ABCA6: variants seen among roughly 807,000 people sequenced by gnomAD.
ABCA6 encodes the protein ATP binding cassette subfamily A member 6, also known as ATP-binding cassette sub-family A member 6.
ABCA6 carries 164 observed loss-of-function variants against 191.2 expected under a neutral mutation model. The observed-to-expected ratio is 0.86, with a 90% CI of 0.76 to 0.98. ABCA6 has a LOEUF of 0.98. Ranked by LOEUF, ABCA6 falls within the 50% of genes least tolerant of loss-of-function variation. The probability of loss-of-function intolerance (pLI) is 0.00; values close to 1 mark genes in which losing one functional copy is unlikely to be tolerated. For missense variants in ABCA6, 1,958 were observed against 1,894.1 expected, an observed-to-expected ratio of 1.03 and a Z score of -0.63; for synonymous variants, 636 against 647.7, an observed-to-expected ratio of 0.98 and a Z score of 0.27.
intron 25 of ABCA6, chr17:69,094,259 A>T (rs979079647): frequency 6.6e-6 from 1 of 152,214 alleles, no homozygotes; most frequent in Non-Finnish European, 1.5e-5. Flanking sequence ...TTGTTCATCT[A>T]TTCACTTGCT....
At position 69,089,033 on chromosome 17, in the gene ABCA6, T is replaced by C. The variant is rs887762517; in HGVS notation, c.3606+432A>G. On this transcript the variant is annotated intron_variant, in intron 27 of 38. Transcript: ENST00000284425. ...ATGAGGGCAGGGACCGCTGTCTTTA[T>C]TTTCTCCTGTACCTAGAAAAGTACT... Among the ~76,000 whole-genome samples, 10 of 152,334 alleles carry C rather than the reference T, an allele frequency of 6.6e-5. No homozygotes were observed. In the South Asian group the frequency reaches 2.1e-3, roughly 32 times the overall value.
chr17:69,110,921 A>G lies in ABCA6; in HGVS notation c.2152T>C (p.Cys718Arg), dbSNP rs1404647722. 3 of 1,604,892 alleles carry G rather than the reference A, an allele frequency of 1.9e-6. No homozygotes were observed. The highest frequency in any genetic ancestry group is 2.7e-5 in the African/African-American group (2 of 74,452). Residue 718 changes from cysteine (C) to arginine (R), a missense_variant, in exon 17 of 39, where the codon TGT (cysteine) becomes CGT (arginine). Cys to Arg is a radical substitution (Grantham distance 180). Coordinates refer to ENST00000284425, the MANE Select transcript of ABCA6 (RefSeq NM_080284.3). Reference sequence around the variant, plus strand: ...AAGGATGTTATTTGTTCTGGGTTACATATTTCATTCCTATGTAAACTAATA... The same window carrying G: ...AAGGATGTTATTTGTTCTGGGTTACGTATTTCATTCCTATGTAAACTAATA... ...YHLSLHRNEI[C>R]NPEQITSFIT...
At chr17:69,133,176 T>C (rs1347002182) in intron 6 of ABCA6, among the ~76,000 whole-genome samples, 3 of 152,330 alleles carry the variant, frequency 2.0e-5, no homozygotes, top group Admixed American at 1.3e-4. Flanking sequence ...AATCTATGCC[T>C]TGTGGCCAAA....
At chr17:69,120,786 A>C (rs1424733337) in intron 10 of ABCA6, among the ~76,000 whole-genome samples, 1 of 152,066 alleles carries the variant, frequency 6.6e-6, no homozygotes, top group Non-Finnish European at 1.5e-5. Flanking sequence ...TGTTCTGGGA[A>C]TATTGCCTGA....
At chr17:69,137,630 C>T (rs2073971055) in intron 2 of ABCA6, 130 bp from the exon 3 acceptor site, 1 of 791,090 alleles carries the variant, frequency 1.3e-6, no homozygotes. Context: ...GCTCTCCAAG[C>T]CTCAGAGCAT....
chr17:69,086,877 T>C (rs1223407269), intron 29 of ABCA6, 142 bp from the exon 30 acceptor site: 1 of 569,476 alleles, frequency 1.8e-6, no homozygotes, highest in East Asian at 3.1e-5. Context: ...TATGCATTCA[T>C]TAATGTAGAA....
At chr17:69,105,934 T>G (rs991145277) in intron 19 of ABCA6, 94 bp downstream of exon 19, 1 of 1,323,520 alleles carries the variant, frequency 7.6e-7, no homozygotes, top group East Asian at 2.4e-5. Context: ...GTGGCAGGAA[T>G]GTCAGATATT....
At chr17:69,123,986 C>A (rs1479185147) in intron 9 of ABCA6, among the ~76,000 whole-genome samples, 10 of 151,804 alleles carry the variant, frequency 6.6e-5, no homozygotes, top group African/African-American at 2.4e-4. Flanking sequence ...AGACACAAAG[C>A]CTTAATACAG....
intron 22 of ABCA6, among the ~76,000 whole-genome samples, chr17:69,098,842 C>A (rs148631403): frequency 1.3e-5 from 2 of 151,902 alleles, no homozygotes; most frequent in African/African-American, 4.8e-5. Flanking sequence ...GTTTCAATTC[C>A]GCAAGACGGC....
rs781102474 is a variant in ABCA6 at position 69,117,893 on chromosome 17, T to C, written c.1495+5A>G. The C allele has an allele frequency of 2.6e-6, 4 of 1,552,338 alleles. No individual in the cohort carries two copies. Among genetic ancestry groups the C allele is most frequent in the Non-Finnish European group, 1.8e-6 (2 of 1,133,140 alleles). ...AGAATGAAATTTTTCAATGTTTTTC[T>C]TTACCTTTCAATGCTTCCACTTTTC... On this transcript the variant is annotated splice_donor_5th_base_variant and intron_variant, in intron 11 of 38. Transcript: ENST00000284425.
At position 69,091,237 on chromosome 17, in the gene ABCA6, G is replaced by A. The variant is rs746073194; in HGVS notation, c.3434C>T (p.Thr1145Ile). The A allele has an allele frequency of 1.9e-5, 30 of 1,611,694 alleles. No homozygotes were observed. The East Asian group carries it at 4.5e-4, about 24-fold the overall frequency. Residue 1145 changes from threonine (T) to isoleucine (I), a missense_variant, in exon 26 of 39, where the codon ACT becomes ATT. Physicochemically the swap from Thr to Ile is moderately conservative, Grantham distance 89. Coordinates refer to ENST00000284425, the MANE Select transcript of ABCA6 (RefSeq NM_080284.3). ...FFASTIMFSI[T>I]LINHFDLSIL... ...ACTTAGGTCAAAATGATTGATTAAA[G>A]TGATGGAAAACATGATGGTGGAGGC...
intron 15 of ABCA6, chr17:69,112,546 C>A: frequency 3.2e-6 from 1 of 310,978 alleles, no homozygotes; most frequent in Non-Finnish European, 5.9e-6. Context: ...AGTGAAACAA[C>A]ACAGAAACAG....
In ABCA6 at chr17:69,078,735, C is replaced by A. The variant is rs2072552133; in HGVS notation, c.*238G>T. On this transcript the variant is annotated 3_prime_UTR_variant, in exon 39 of 39. Transcript: ENST00000284425. ...TTATATAGTTTTATTTCCACAATAC[C>A]CAGTGCCTGACTCTTTGGGTGACTT... is the stretch of plus-strand genomic sequence containing the variant. The A allele has an allele frequency of 9.0e-6, 3 of 332,964 alleles. No homozygotes were observed. The highest frequency in any genetic ancestry group is 1.6e-5 in the Non-Finnish European group (3 of 186,766). The allele number at this position is 332,964 out of a possible 1,614,324, so 20.6% of individuals were successfully genotyped here.
chr17:69,084,562 A>G (rs918340267), intron 32 of ABCA6, 55 bp from the exon 33 acceptor site: 8 of 1,510,270 alleles, frequency 5.3e-6, no homozygotes, highest in Middle Eastern at 1.7e-4. Context: ...TGGAAAATCC[A>G]AGCACACAGA....
At chr17:69,140,446 TTA>T (rs1263746087) in intron 2 of ABCA6, among the ~76,000 whole-genome samples, 160 bp downstream of exon 2, 3 of 152,140 alleles carry the variant, frequency 2.0e-5, no homozygotes, top group Admixed American at 1.3e-4. Context: ...TTTAATAATT[TTA>T]TGTTATTCTT....
At position 69,134,645 on chromosome 17, in the gene ABCA6, A is replaced by G; in HGVS notation, c.558T>C (p.Ile186=). The G allele has an allele frequency of 6.2e-7, 1 of 1,609,444 alleles. No homozygotes were observed. The highest frequency in any genetic ancestry group is 8.5e-7 in the Non-Finnish European group (1 of 1,177,338). ...TTTTCAATCAAGCACTTACTTCTAT[A>G]ATGGCAGTATTAATAGCTGTTTGTA... ...VALQTAINTA[I]IEITTNHPVM... The change falls in exon 5 of 39, where the codon ATT becomes ATC. Residue 186 remains isoleucine, a synonymous_variant. Transcript: ENST00000284425.
intron 11 of ABCA6, 66 bp downstream of exon 11, chr17:69,117,832 A>T: frequency 1.6e-6 from 2 of 1,214,126 alleles, no homozygotes; most frequent in Non-Finnish European, 2.4e-6. Flanking sequence ...TTTCACATTG[A>T]ATGTTTCCCT....
At chr17:69,084,626 C>A in intron 32 of ABCA6, 119 bp from the exon 33 acceptor site, 3 of 893,030 alleles carry the variant, frequency 3.4e-6, no homozygotes, top group South Asian at 1.9e-5. Flanking sequence ...AATCCTAACT[C>A]ATAATTTTAA....
At chr17:69,118,927 G>GTC (rs1257534321) in intron 10 of ABCA6, among the ~76,000 whole-genome samples, 80 of 151,748 alleles carry the variant, frequency 5.3e-4, no homozygotes, top group Middle Eastern at 3.4e-3. Context: ...CTCTCTCTCT[G>GTC]TCTCTCTCAC....
Sources: gnomAD v4.1 joint callset for allele counts (sites outside exome capture counted in the v4.1 genomes callset) on GRCh38, gnomAD v4.1.1 for gene constraint, MANE v1.5 for transcripts, NCBI Gene and HGNC (gene_info 2026-07-23, HGNC 2026-07-21) for gene names.